CSMD1: variants seen among roughly 807,000 people sequenced by gnomAD.
CSMD1 encodes CUB and sushi domain-containing protein 1.
In CSMD1, 213 loss-of-function variants were observed where a neutral mutation model predicts 417.5. The observed-to-expected ratio is 0.51, with a 90% CI of 0.46 to 0.57. The LOEUF (loss-of-function observed/expected upper bound fraction) is 0.57, where lower values mean the gene tolerates loss of function less well. Among genes scored for constraint, CSMD1 ranks in the 20% least tolerant of loss-of-function variants. The probability of loss-of-function intolerance (pLI) is 0.00; values close to 1 mark genes in which losing one functional copy is unlikely to be tolerated. For missense variants in CSMD1, 6,923 were observed against 4,529.7 expected (o/e 1.53, Z -15.17); for synonymous variants, 2,862 against 1,736.8 (o/e 1.65, Z -16.11).
chr8:4,911,488 T>C (rs563089258), intron 1 of CSMD1, among the ~76,000 whole-genome samples: 8 of 152,282 alleles, frequency 5.3e-5, no homozygotes, highest in Non-Finnish European at 1.0e-4. Context: ...TGTGGGTCTA[T>C]ACCTCAATGT....
chr8:3,928,202 G>A (rs1308012690), intron 5 of CSMD1, among the ~76,000 whole-genome samples: 4 of 152,156 alleles, frequency 2.6e-5, no homozygotes, highest in Non-Finnish European at 5.9e-5. Flanking sequence ...TGATGTTAAT[G>A]TAATAATACT....
In CSMD1 at chr8:4,637,503, C is replaced by T; in HGVS notation, c.141G>A (p.Gly47=). 1 of 1,613,852 alleles carries T rather than the reference C, an allele frequency of 6.2e-7. No homozygotes were observed. Among genetic ancestry groups the T allele is most frequent in the East Asian group, 2.2e-5 (1 of 44,866 alleles). Residue 47 remains glycine, a synonymous_variant, in exon 2 of 70, where the codon GGG becomes GGA. Transcript: ENST00000635120. ...CATAGTTCGGATACCCGTGAGGAAACCCTGGGCTCTCAATAGTGCCATTGG... is the reference window on the plus strand; with the variant it reads ...CATAGTTCGGATACCCGTGAGGAAATCCTGGGCTCTCAATAGTGCCATTGG... ...QGPNGTIESP[G]FPHGYPNYAN... is the part of the protein sequence containing the mutation.
chr8:3,139,081 T>C (rs1467294758), intron 41 of CSMD1, among the ~76,000 whole-genome samples: 1 of 152,128 alleles, frequency 6.6e-6, no homozygotes, highest in Non-Finnish European at 1.5e-5. Context: ...CACTGGAGGA[T>C]AAGCTGGGAA....
chr8:3,305,721 C>G (rs927986969), intron 25 of CSMD1, among the ~76,000 whole-genome samples: 14 of 152,118 alleles, frequency 9.2e-5, no homozygotes, highest in Admixed American at 7.9e-4. Flanking sequence ...TCACTGTTGC[C>G]CAGGTTGGAG....
intron 69 of CSMD1, 25 bp downstream of exon 69, chr8:2,942,447 C>G (rs1477501117): frequency 3.7e-6 from 6 of 1,601,428 alleles, no homozygotes; most frequent in Non-Finnish European, 5.1e-6. Context: ...ACAACATTCT[C>G]AAACAGATGG....
rs561328404 is a variant in CSMD1 at position 3,616,715 on chromosome 8, G to T, written c.1092C>A (p.Asp364Glu). The T allele has an allele frequency of 2.1e-5, 34 of 1,605,742 alleles. No homozygotes were observed. In the East Asian group the frequency reaches 7.6e-4, roughly 36 times the overall value. ...ACCACTATTGTATCTCTTACCTGAA[G>T]TCGGAACCTGCTCTTCTACCATTTT... is the stretch of plus-strand genomic sequence containing the variant. Reference protein sequence around the residue: ...IPENGRRAGSDFRVGANVQFS... With the variant: ...IPENGRRAGSEFRVGANVQFS... The change falls in exon 8 of 70, where the codon GAC becomes GAA. Residue 364 changes from aspartate to glutamate, a missense_variant. Transcript: ENST00000635120.
chr8:4,683,397 C>G (rs1190891297), intron 1 of CSMD1, among the ~76,000 whole-genome samples: 1 of 152,144 alleles, frequency 6.6e-6, no homozygotes, highest in Non-Finnish European at 1.5e-5. Context: ...TTTCTGAGAC[C>G]TGTCCTTACA....
At chr8:4,956,319 AT>A (rs1809108546) in intron 1 of CSMD1, among the ~76,000 whole-genome samples, 1 of 151,688 alleles carries the variant, frequency 6.6e-6, no homozygotes, top group Non-Finnish European at 1.5e-5. Context: ...CATATGAATA[AT>A]AAAAATAATT....
At chr8:4,677,071 T>A (rs1418669438) in intron 1 of CSMD1, among the ~76,000 whole-genome samples, 5 of 145,904 alleles carry the variant, frequency 3.4e-5, no homozygotes, top group East Asian at 2.0e-4. Context: ...TATAGAGATA[T>A]GATATATATA....
At chr8:3,343,830 T>A (rs1450908095) in intron 22 of CSMD1, among the ~76,000 whole-genome samples, 1 of 152,196 alleles carries the variant, frequency 6.6e-6, no homozygotes. Flanking sequence ...ATTTTAGTCT[T>A]GAATATCTCC....
rs1799968784 is a variant in CSMD1 at position 4,828,731 on chromosome 8, T to G, written c.85+165601A>C. 3.9e-5 allele frequency among the ~76,000 whole-genome samples: 6 copies of G among 152,122 alleles called. No homozygotes were observed. The South Asian group carries it at 1.0e-3, about 26-fold the overall frequency. On this transcript the variant is annotated intron_variant, in intron 1 of 69. Transcript: ENST00000635120. ...GACTTAAAATCCTAACGCTACTACT[T>G]TTATCATTTGGAGGTACATTACCTA... is the stretch of plus-strand genomic sequence containing the variant.
chr8:3,083,413 G>A (rs1477345189), intron 49 of CSMD1, among the ~76,000 whole-genome samples: 10 of 150,904 alleles, frequency 6.6e-5, no homozygotes, highest in African/African-American at 2.4e-4. Context: ...TCTTTTTAAA[G>A]TATTTCAGCC....
intron 11 of CSMD1, among the ~76,000 whole-genome samples, chr8:3,482,654 T>C (rs879852860): frequency 1.3e-5 from 2 of 152,134 alleles, no homozygotes; most frequent in Admixed American, 1.3e-4. Context: ...CTGACGAATA[T>C]GGAACTCTCA....
At chr8:3,290,567 A>G (rs1170184768) in intron 25 of CSMD1, among the ~76,000 whole-genome samples, 2 of 145,930 alleles carry the variant, frequency 1.4e-5, no homozygotes, top group African/African-American at 2.8e-5. Flanking sequence ...ATTGCTAGGT[A>G]TTTTGTTCTC....
chr8:3,761,811 T>G (rs1798019446), intron 5 of CSMD1, among the ~76,000 whole-genome samples: 1 of 152,084 alleles, frequency 6.6e-6, no homozygotes, highest in Admixed American at 6.6e-5. Context: ...CAGCCAAAAT[T>G]ACCACTTTCT....
At chr8:4,551,616 C>G (rs1465998718) in intron 2 of CSMD1, among the ~76,000 whole-genome samples, 3 of 152,120 alleles carry the variant, frequency 2.0e-5, no homozygotes, top group African/African-American at 7.2e-5. Flanking sequence ...CAAATCCAGG[C>G]TTCTCAGTTT....
chr8:3,755,953 C>G (rs1157127402), intron 5 of CSMD1, among the ~76,000 whole-genome samples: 1 of 152,006 alleles, frequency 6.6e-6, no homozygotes, highest in African/African-American at 2.4e-5. Context: ...GTTACAAATT[C>G]TATAGGCCAC....
At chr8:4,159,527 C>G (rs1342584280) in intron 3 of CSMD1, among the ~76,000 whole-genome samples, 1 of 152,100 alleles carries the variant, frequency 6.6e-6, no homozygotes, top group Non-Finnish European at 1.5e-5. Context: ...GATGGAATAC[C>G]ACTCAGCCAT....
At position 3,408,253 on chromosome 8, in the gene CSMD1, C is replaced by T. The variant is rs766097416; in HGVS notation, c.1745-28G>A. 4.6e-6 allele frequency: 7 copies of T among 1,509,248 alleles called. No homozygotes were observed. In the African/African-American group the frequency reaches 6.9e-5, roughly 15 times the overall value. The allele number at this position is 1,509,248 out of a possible 1,614,324, so 93.5% of individuals were successfully genotyped here. On this transcript the variant is annotated intron_variant, in intron 13 of 69. Coordinates refer to ENST00000635120, the MANE Select transcript of CSMD1 (RefSeq NM_033225.6). ...GTGAAGATGCAAATATATTTTCAAA[C>T]AGTTATGCACATATCCAAAGAATTG...
Sources: gnomAD v4.1 joint callset for allele counts (sites outside exome capture counted in the v4.1 genomes callset) on GRCh38, gnomAD v4.1.1 for gene constraint, MANE v1.5 for transcripts, NCBI Gene and HGNC (gene_info 2026-07-23, HGNC 2026-07-21) for gene names.